Variants in GMIP observed in about 807,000 individuals in gnomAD.
GMIP encodes the protein GEM-interacting protein.
A neutral mutation model predicts 105.3 loss-of-function variants in GMIP; 54 were observed. That is an observed-to-expected ratio of 0.51 (90% CI 0.41 to 0.64). The LOEUF is 0.64. Ranked by LOEUF, GMIP falls within the 30% of genes least tolerant of loss-of-function variation. GMIP has a pLI of 0.00. For missense variants in GMIP, 1,110 were observed against 1,319.4 expected (o/e 0.84, Z 2.46); for synonymous variants, 541 against 560.8 (o/e 0.96, Z 0.50).
In GMIP at chr19:19,635,105, G is replaced by A; in HGVS notation, c.1669C>T (p.Pro557Ser). 1 of 1,614,074 alleles carries A rather than the reference G, an allele frequency of 6.2e-7. No individual in the cohort carries two copies. The highest frequency in any genetic ancestry group is 8.5e-7 in the Non-Finnish European group (1 of 1,180,002). The change falls in exon 16 of 21, where the codon CCC (proline) becomes TCC (serine). Residue 557 changes from proline (P) to serine (S), a missense_variant. This residue lies in a region of GMIP where 667 missense variants were observed against 773.2 expected (regional missense o/e 0.86). Transcript: ENST00000203556. The surrounding 1 kb of genome is among the most constrained non-coding windows in gnomAD (Gnocchi z 4.7). ...PLFGVDFLQLPRDFPEEVPFV... is the reference protein window; with the variant it reads ...PLFGVDFLQLSRDFPEEVPFV... ...GGTACCTCCTCCGGGAAGTCCCTGG[G>A]TAGCTGCAGGAAGTCAACCCCAAAA...
In GMIP at chr19:19,638,466, C is replaced by A; in HGVS notation, c.554G>T (p.Arg185Leu). 6.2e-7 allele frequency: 1 copy of A among 1,614,010 alleles called. No homozygotes were observed. The highest frequency in any genetic ancestry group is 8.5e-7 in the Non-Finnish European group (1 of 1,179,990). Residue 185 changes from arginine to leucine, a missense_variant, in exon 8 of 21, where the codon CGG (arginine) becomes CTG (leucine). By Grantham distance (102) the Arg-to-Leu change is moderately radical. Around this residue, in one of 3 missense-constraint regions of GMIP, gnomAD observed 667 missense variants for 773.2 expected, o/e 0.86. Coordinates refer to ENST00000203556, the MANE Select transcript of GMIP (RefSeq NM_016573.4). ...RDYYQPLAAKRTEIEKWRKEF... is the reference protein window; with the variant it reads ...RDYYQPLAAKLTEIEKWRKEF... ...CTTCCGCCACTTCTCAATCTCAGTC[C>A]GTTTGGCGGCGAGGGGCTGGCAAGG...
In GMIP at chr19:19,642,576, G is replaced by T. The variant is rs773842109; in HGVS notation, c.63C>A (p.Ile21=). The part of the protein sequence containing the change: ...GPEGRKRYSD[I]FRSLDNLEIS... ...TTTCGAGGTTGTCCAGGCTCCGGAA[G>T]ATGTCACTGTACCTCTTCCTGCCCT... The change falls in exon 2 of 21, where the codon ATC becomes ATA. Residue 21 remains isoleucine (I), a synonymous_variant. Coordinates refer to ENST00000203556, the MANE Select transcript of GMIP (RefSeq NM_016573.4). The T allele has an allele frequency of 2.5e-6, 4 of 1,611,276 alleles. No individual in the cohort carries two copies. Among genetic ancestry groups the T allele is most frequent in the African/African-American group, 1.3e-5 (1 of 74,906 alleles).
chr19:19,635,153 G>T lies in GMIP; in HGVS notation c.1621C>A (p.Arg541=), dbSNP rs372547969. Residue 541 remains arginine (R), a synonymous_variant, in exon 16 of 21, where the codon CGG becomes AGG. Coordinates refer to ENST00000203556, the MANE Select transcript of GMIP (RefSeq NM_016573.4). This position sits in a 1 kb window ranked among gnomAD's most constrained non-coding sequence, Gnocchi z 4.7. ...AAAAGGGGTGTCCGGGCTGGGAGCC[G>T]CCTGTGTCCACAGAGGATCAGGAGA... is the stretch of plus-strand genomic sequence containing the variant. The part of the protein sequence containing the change: ...ETLLILCGHR[R]LPARTPLFGV... The T allele has an allele frequency of 6.2e-7, 1 of 1,613,702 alleles. No homozygotes were observed. The highest frequency in any genetic ancestry group is 1.7e-5 in the Admixed American group (1 of 59,966).
At position 19,634,455 on chromosome 19, in the gene GMIP, C is replaced by T. The variant is rs561873219; in HGVS notation, c.2084+52G>A. The T allele has an allele frequency of 1.4e-5, 21 of 1,470,160 alleles. No individual in the cohort carries two copies. The highest frequency in any genetic ancestry group is 9.0e-5 in the East Asian group (4 of 44,214). The allele number at this position is 1,470,160 out of a possible 1,614,324, so 91.1% of individuals were successfully genotyped here. ...GGGGTCAGCCAGGGAAGTTAGTAGT[C>T]GCATGTCCAGGGAAAAGGGTCGCGT... On this transcript the variant is annotated intron_variant, in intron 18 of 20. Transcript: ENST00000203556. This position sits in a 1 kb window ranked among gnomAD's most constrained non-coding sequence, Gnocchi z 6.1.
intron 1 of GMIP, 83 bp downstream of exon 1, chr19:19,643,428 A>G: frequency 7.8e-7 from 1 of 1,277,188 alleles, no homozygotes; most frequent in South Asian, 1.3e-5. Flanking sequence ...GGCTCTCAGG[A>G]CGGAGCGGGA....
At chr19:19,642,696 AG>A (rs1050021106) in intron 1 of GMIP, 77 bp from the exon 2 acceptor site, 4 of 562,604 alleles carry the variant, frequency 7.1e-6, no homozygotes, top group Admixed American at 4.7e-5. Context: ...TCTCATTTGG[AG>A]GGGGTGGAAG....
Position 19,634,056 on chromosome 19 carries a change from C to A in GMIP, c.2219G>T (p.Gly740Val), listed in dbSNP as rs1467418661. The A allele has an allele frequency of 6.2e-7, 1 of 1,613,438 alleles. No homozygotes were observed. Among genetic ancestry groups the A allele is most frequent in the Non-Finnish European group, 8.5e-7 (1 of 1,179,862 alleles). Reference protein sequence around the residue: ...AIPVTCLLDSGHQAQLVEFLI... With the variant: ...AIPVTCLLDSVHQAQLVEFLI... The stretch of plus-strand genomic sequence containing the variant: ...GAACTCCACAAGCTGGGCCTGATGC[C>A]CAGAGTCCAGCAGGCAGGTGACAGG... The change falls in exon 19 of 21, where the codon GGG becomes GTG. Residue 740 changes from glycine to valine, a missense_variant. Gly to Val is a moderately radical substitution (Grantham distance 109). Transcript: ENST00000203556. This position sits in a 1 kb window ranked among gnomAD's most constrained non-coding sequence, Gnocchi z 6.1.
Position 19,634,236 on chromosome 19 carries a change from C to T in GMIP, c.2085-46G>A. 2 of 1,523,030 alleles carry T rather than the reference C, an allele frequency of 1.3e-6. No homozygotes were observed. The highest frequency in any genetic ancestry group is 8.8e-7 in the Non-Finnish European group (1 of 1,134,878). The allele number at this position is 1,523,030 out of a possible 1,614,324, so 94.3% of individuals were successfully genotyped here. The stretch of plus-strand genomic sequence containing the variant: ...AAGGTCAGGGTACAGGATGCAAGCT[C>T]ATTGGTCTGAGGGTAAGGGTGGGAC... On this transcript the variant is annotated intron_variant, in intron 18 of 20. Transcript: ENST00000203556. The surrounding 1 kb of genome is among the most constrained non-coding windows in gnomAD (Gnocchi z 6.1).
chr19:19,642,818 C>T (rs1043479081), intron 1 of GMIP, among the ~76,000 whole-genome samples, 199 bp from the exon 2 acceptor site: 1 of 152,066 alleles, frequency 6.6e-6, no homozygotes, highest in South Asian at 2.1e-4. Flanking sequence ...GACAGCTGCT[C>T]GGGGAACAGA....
Position 19,630,257 on chromosome 19 carries a change from G to C in GMIP, c.2619C>G (p.Pro873=), listed in dbSNP as rs762075421. 2 of 1,564,510 alleles carry C rather than the reference G, an allele frequency of 1.3e-6. No individual in the cohort carries two copies. Among genetic ancestry groups the C allele is most frequent in the Non-Finnish European group, 1.7e-6 (2 of 1,153,080 alleles). The change falls in exon 21 of 21, where the codon CCC becomes CCG. Residue 873 remains proline, a synonymous_variant. Transcript: ENST00000203556. The surrounding 1 kb of genome is among the most constrained non-coding windows in gnomAD (Gnocchi z 4.8). The part of the protein sequence containing the change: ...GHFSRQPVKY[P]RGGVRPVTHQ... ...GGGTTACAGGCCTCACACCGCCCCGGGGATACTTCACTGGCTGGCGGCTGA... is the reference window on the plus strand; with the variant it reads ...GGGTTACAGGCCTCACACCGCCCCGCGGATACTTCACTGGCTGGCGGCTGA...
chr19:19,633,950 T>C lies in GMIP; in HGVS notation c.2325A>G (p.Pro775=). The change falls in exon 19 of 21, where the codon CCA becomes CCG. Residue 775 remains proline, a synonymous_variant. Transcript: ENST00000203556. ...ATEPPPQDSS[P]APGPLTTSSQ... is the part of the protein sequence containing the mutation. ...AGCTGGTTGTGAGGGGCCCAGGGGC[T>C]GGGCTGGAGTCTTGGGGCGGGGGCT... The C allele has an allele frequency of 7.8e-7, 1 of 1,275,040 alleles. No individual in the cohort carries two copies. The highest frequency in any genetic ancestry group is 1.0e-6 in the Non-Finnish European group (1 of 976,198). The allele number at this position is 1,275,040 out of a possible 1,614,324, so 79.0% of individuals were successfully genotyped here. A position where few individuals can be genotyped will look rare whatever the true frequency, so the allele number is the denominator to read the frequency against.
chr19:19,636,864 G>T, intron 12 of GMIP, 53 bp downstream of exon 12: 1 of 1,516,976 alleles, frequency 6.6e-7, no homozygotes, highest in Non-Finnish European at 9.1e-7. Flanking sequence ...CCACCTATGT[G>T]TTGGTGGAAC....
chr19:19,638,563 G>T, intron 7 of GMIP, 81 bp from the exon 8 acceptor site: 1 of 1,186,124 alleles, frequency 8.4e-7, no homozygotes, highest in Non-Finnish European at 1.2e-6. Flanking sequence ...CCATTCCTGC[G>T]CCATGTGCTT....
Position 19,634,025 on chromosome 19 carries a change from G to T in GMIP, c.2250C>A (p.Ile750=). 6.2e-7 allele frequency: 1 copy of T among 1,613,258 alleles called. No homozygotes were observed. Among genetic ancestry groups the T allele is most frequent in the Non-Finnish European group, 8.5e-7 (1 of 1,179,546 alleles). ...GHQAQLVEFL[I]VHYEQIFGMD... is the part of the protein sequence containing the mutation. ...TCCCAAAGATCTGCTCGTAGTGCAC[G>T]ATGAGGAACTCCACAAGCTGGGCCT... The change falls in exon 19 of 21, where the codon ATC becomes ATA. Residue 750 remains isoleucine, a synonymous_variant. Transcript: ENST00000203556. This position sits in a 1 kb window ranked among gnomAD's most constrained non-coding sequence, Gnocchi z 6.1.
rs201815196 is a variant in GMIP at position 19,633,836 on chromosome 19, G to A, written c.2439C>T (p.Thr813=). 1 of 1,488,876 alleles carries A rather than the reference G, an allele frequency of 6.7e-7. No individual in the cohort carries two copies. Among genetic ancestry groups the A allele is most frequent in the African/African-American group, 1.4e-5 (1 of 71,070 alleles). The allele number at this position is 1,488,876 out of a possible 1,614,324, so 92.2% of individuals were successfully genotyped here. ...GTGTGGCCGTGGGATGCTGCTCCAG[G>A]GTACTGTGGTGCTGGGGGTCTGGGC... The part of the protein sequence containing the change: ...DPGPDPQHHS[T]LEQHPTATPT... Residue 813 remains threonine, a synonymous_variant, in exon 19 of 21, where the codon ACC becomes ACT. Coordinates refer to ENST00000203556, the MANE Select transcript of GMIP (RefSeq NM_016573.4).
rs544588817 is a variant in GMIP at position 19,630,052 on chromosome 19, G to A, written c.2824C>T (p.Arg942Trp). The A allele has an allele frequency of 7.5e-6, 12 of 1,609,310 alleles. No individual in the cohort carries two copies. The highest frequency in any genetic ancestry group is 1.7e-4 in the Middle Eastern group (1 of 6,052). ...KHFEITQETA[R>W]LLSKLDSEAV... is the part of the protein sequence containing the mutation. ...TCGCTGTCCAATTTCGAGAGTAGCC[G>A]GGCTGTCTCCTGGGTAATCTCAAAA... The change falls in exon 21 of 21, where the codon CGG becomes TGG. Residue 942 changes from arginine (R) to tryptophan (W), a missense_variant. Arg to Trp is a moderately radical substitution (Grantham distance 101, BLOSUM62 -3). Around this residue, in one of 3 missense-constraint regions of GMIP, gnomAD observed 394 missense variants for 450.5 expected, o/e 0.87. Transcript: ENST00000203556. This position sits in a 1 kb window ranked among gnomAD's most constrained non-coding sequence, Gnocchi z 4.8.
In GMIP at chr19:19,636,730, AG is replaced by A; in HGVS notation, c.1303del (p.Leu435TrpfsTer16). ...ACCTGGGCTGGAAGTGGGTGAGTCC[AG>A]GGACCGAGACTCGCTGCCGCCACCC... Reference protein sequence around the residue: ...SVGGGSESRSLDSPTSSPGAG... With the variant: ...SVGGGSESRSXDSPTSSPGAG... On this transcript the variant is annotated frameshift_variant, in exon 13 of 21. Transcript: ENST00000203556. LOFTEE classifies it high-confidence loss of function. 1 of 1,613,498 alleles carries A rather than the reference AG, an allele frequency of 6.2e-7. No individual in the cohort carries two copies. The highest frequency in any genetic ancestry group is 8.5e-7 in the Non-Finnish European group (1 of 1,179,732).
chr19:19,643,375 A>G (rs1054029587), intron 1 of GMIP, 136 bp downstream of exon 1: 12 of 775,088 alleles, frequency 1.5e-5, no homozygotes, highest in African/African-American at 7.2e-5. Flanking sequence ...GCTCCCCACA[A>G]TGGAGGATCC....
chr19:19,643,106 A>G (rs538818942), intron 1 of GMIP: 2 of 232,878 alleles, frequency 8.6e-6, no homozygotes, highest in East Asian at 1.8e-4. Context: ...CCACATTTCT[A>G]CTGCTGCCCC....
Sources: gnomAD v4.1 joint callset for allele counts (sites outside exome capture counted in the v4.1 genomes callset) on GRCh38, gnomAD v4.1.1 for gene constraint, gnomAD v4.1.1 regional missense constraint, Gnocchi (gnomAD v3.1) non-coding constraint, MANE v1.5 for transcripts, NCBI Gene and HGNC (gene_info 2026-07-23, HGNC 2026-07-21) for gene names.